Variants in GAREM2 observed in about 807,000 individuals in gnomAD.
GAREM2 encodes the protein GRB2-associated and regulator of MAPK protein 2.
GAREM2 carries 30 observed loss-of-function variants against 55.6 expected under a neutral mutation model. The observed-to-expected ratio is 0.54, with a 90% confidence interval of 0.40 to 0.73. The LOEUF (loss-of-function observed/expected upper bound fraction) is 0.73. Among genes scored for constraint, GAREM2 ranks in the 30% least tolerant of loss-of-function variants. GAREM2 has a pLI of 0.00. For missense variants in GAREM2, 1,075 were observed against 1,257.7 expected, an observed-to-expected ratio of 0.85 and a Z score of 2.20; for synonymous variants, 550 against 569.1, an observed-to-expected ratio of 0.97 and a Z score of 0.48.
At chr2:26,181,979 A>G in intron 2 of GAREM2, 18 of 988,992 alleles carry the variant, frequency 1.8e-5, no homozygotes, top group Non-Finnish European at 2.2e-5. Flanking sequence ...CCTGTCTCAA[A>G]AAAAACACCC....
At chr2:26,196,278 G>A in the GAREM2 span, among the ~76,000 whole-genome samples, 6 of 152,168 alleles carry the variant, frequency 3.9e-5, no homozygotes, top group African/African-American at 1.2e-4. Context: ...TAAATGTTAT[G>A]TAAACTTATC....
At chr2:26,201,218 G>A in the GAREM2 span, 6 of 1,613,474 alleles carry the variant, frequency 3.7e-6, no homozygotes, top group Middle Eastern at 1.7e-4. Flanking sequence ...TCACCATGTC[G>A]GCCTTTTCAA....
chr2:26,195,046 T>A, the GAREM2 span: 2 of 1,495,488 alleles, frequency 1.3e-6, no homozygotes, highest in African/African-American at 1.4e-5. Context: ...AGGAGTCTTA[T>A]TAGAACTTTT....
downstream of GAREM2, chr2:26,191,430 G>A (rs1669498142): frequency 8.7e-6 from 14 of 1,614,144 alleles, no homozygotes; most frequent in East Asian, 2.2e-5. Context: ...TGAAGGAGAC[G>A]CAACACGGGC....
chr2:26,204,142 G>A, the GAREM2 span: 37 of 1,613,352 alleles, frequency 2.3e-5, no homozygotes, highest in Middle Eastern at 1.6e-4. Flanking sequence ...CCTTATCCAC[G>A]GAGACTTGGG....
Position 26,187,504 on chromosome 2 carries a change from T to C in GAREM2, c.1872T>C (p.Phe624=). Residue 624 remains phenylalanine (F), a synonymous_variant, in exon 6 of 6, where the codon TTT becomes TTC. Coordinates refer to ENST00000401533, the MANE Select transcript of GAREM2 (RefSeq NM_001168241.2). ...LFKPSHPQKR[F]APFGALNPFS... is the part of the protein sequence containing the mutation. ...AGCCCTCACATCCCCAGAAGCGCTT[T>C]GCTCCGTTTGGAGCTCTCAACCCTT... 6.5e-7 allele frequency: 1 copy of C among 1,544,142 alleles called. No individual in the cohort carries two copies. The highest frequency in any genetic ancestry group is 1.2e-5 in the South Asian group (1 of 82,850).
rs1456956099 is a variant in GAREM2, at chr2:26,186,315, C to T, written c.1555C>T (p.Pro519Ser). ...CCCCAAGCTGCAGCCGGTACATTCCCCCAGCTCCAGCCTCTCCTACTACTC... is the reference window on the plus strand; with the variant it reads ...CCCCAAGCTGCAGCCGGTACATTCCTCCAGCTCCAGCCTCTCCTACTACTC... ...RFPKLQPVHS[P>S]SSSLSYYSSG... Residue 519 changes from proline (P) to serine (S), a missense_variant, in exon 5 of 6, where the codon CCC becomes TCC. By Grantham distance (74) the Pro-to-Ser change is moderately conservative. Coordinates refer to ENST00000401533, the MANE Select transcript of GAREM2 (RefSeq NM_001168241.2). The T allele has an allele frequency of 6.4e-7, 1 of 1,551,770 alleles. No homozygotes were observed. The highest frequency in any genetic ancestry group is 8.7e-7 in the Non-Finnish European group (1 of 1,146,996).
chr2:26,186,692 C>T (rs956807018), intron 5 of GAREM2, among the ~76,000 whole-genome samples: 1 of 152,204 alleles, frequency 6.6e-6, no homozygotes, highest in African/African-American at 2.4e-5. Flanking sequence ...TGATTAAGTT[C>T]AGGCCAGGTG....
chr2:26,183,181 C>G (rs373975466), intron 3 of GAREM2, 84 bp downstream of exon 3: 12 of 1,470,144 alleles, frequency 8.2e-6, no homozygotes, highest in East Asian at 7.5e-5. Context: ...GAAGGTTGCC[C>G]TCAGGATCCA....
chr2:26,197,066 A>C, the GAREM2 span, among the ~76,000 whole-genome samples: 2 of 152,246 alleles, frequency 1.3e-5, no homozygotes, highest in African/African-American at 4.8e-5. Flanking sequence ...AAGTTCTTTT[A>C]TAATTCCTGC....
downstream of GAREM2, chr2:26,193,528 A>C: frequency 2.7e-6 from 4 of 1,464,852 alleles, no homozygotes; most frequent in Non-Finnish European, 3.8e-6. Context: ...GGAACTGCTT[A>C]GAACTTTGTA....
downstream of GAREM2, among the ~76,000 whole-genome samples, chr2:26,189,838 G>A (rs754397464): frequency 1.5e-4 from 23 of 152,060 alleles, no homozygotes; most frequent in Non-Finnish European, 3.1e-4. Context: ...CAGGGCCCTC[G>A]CCAGCCCCTC....
the GAREM2 span, among the ~76,000 whole-genome samples, chr2:26,200,734 T>G: frequency 1.3e-5 from 1 of 75,824 alleles, no homozygotes; most frequent in Non-Finnish European, 2.4e-5. Flanking sequence ...TAACAAAAAG[T>G]CTTTTTTTTT....
At chr2:26,191,448 T>C, downstream of GAREM2, 2 of 1,614,080 alleles carry the variant, frequency 1.2e-6, no homozygotes, top group Non-Finnish European at 1.7e-6. Flanking sequence ...GGCTCCAGGC[T>C]AAAGTGAGCT....
rs1033863461 is a variant in GAREM2 at position 26,185,039 on chromosome 2, A to G, written c.1191A>G (p.Leu397=). ...GGCTCGCCCGCGCCCCCGGCCCGCT[A>G]GCGCCGGCTCCCGCCGGCGAGGGCG... ...APGLARAPGP[L]APAPAGEGDQ... is the part of the protein sequence containing the mutation. Residue 397 remains leucine (L), a synonymous_variant, in exon 4 of 6, where the codon CTA becomes CTG. Transcript: ENST00000401533. The G allele has an allele frequency of 7.6e-6, 9 of 1,186,138 alleles. No individual in the cohort carries two copies. The African/African-American group carries it at 9.8e-5, about 13-fold the overall frequency. 73.5% of individuals were successfully genotyped at this position (1,186,138 alleles called of 1,614,324 possible). A position where few individuals can be genotyped will look rare whatever the true frequency, so the allele number is the denominator to read the frequency against.
chr2:26,178,418 C>G (rs1331315664), intron 2 of GAREM2, among the ~76,000 whole-genome samples: 1 of 151,940 alleles, frequency 6.6e-6, no homozygotes, highest in East Asian at 1.9e-4. Context: ...CAACCCCCCC[C>G]CCCAACAACA....
At chr2:26,194,177 C>T (rs1450143470), downstream of GAREM2, among the ~76,000 whole-genome samples, 2 of 152,200 alleles carry the variant, frequency 1.3e-5, no homozygotes, top group Non-Finnish European at 2.9e-5. Context: ...GATCCCTCTC[C>T]TTTCCTGCCA....
At chr2:26,177,234 G>C (rs1429474177) in intron 2 of GAREM2, among the ~76,000 whole-genome samples, 1 of 152,140 alleles carries the variant, frequency 6.6e-6, no homozygotes, top group Non-Finnish European at 1.5e-5. Context: ...CTGAGGGCTG[G>C]TGTCTGCTGC....
chr2:26,187,909 A>G lies in GAREM2; in HGVS notation c.2277A>G (p.Pro759=). 3 of 1,441,814 alleles carry G rather than the reference A, an allele frequency of 2.1e-6. No homozygotes were observed. Among genetic ancestry groups the G allele is most frequent in the Non-Finnish European group, 2.7e-6 (3 of 1,092,798 alleles). 89.3% of individuals were successfully genotyped at this position (1,441,814 alleles called of 1,614,324 possible). The part of the protein sequence containing the change: ...VLHQVPTPLS[P]AALQGPEAGG... Reference sequence around the variant, plus strand: ...ACCAGGTCCCCACCCCACTGTCACCAGCTGCTCTGCAGGGACCCGAGGCGG... The same window carrying G: ...ACCAGGTCCCCACCCCACTGTCACCGGCTGCTCTGCAGGGACCCGAGGCGG... The change falls in exon 6 of 6, where the codon CCA becomes CCG. Residue 759 remains proline, a synonymous_variant. Transcript: ENST00000401533.
Sources: allele counts gnomAD v4.1 joint callset (sites outside exome capture counted in the v4.1 genomes callset), GRCh38; gene constraint gnomAD v4.1.1; transcripts MANE v1.5; gene names NCBI Gene and HGNC (gene_info 2026-07-23, HGNC 2026-07-21).